Variants in C20orf203 observed in about 807,000 individuals in gnomAD.
C20orf203 encodes chromosome 20 open reading frame 203.
A neutral mutation model predicts 15.9 loss-of-function variants in C20orf203; 16 were observed. The observed-to-expected ratio is 1.01, with a 90% confidence interval of 0.68 to 1.53. C20orf203 has a LOEUF of 1.53. Ranked by LOEUF, C20orf203 falls within the 40% of genes most tolerant of loss-of-function variation. The pLI is 0.00. For synonymous variants in C20orf203, 98 were observed against 97.2 expected (o/e 1.01, Z -0.05); for missense variants, 263 against 247.5 (o/e 1.06, Z -0.42).
chr20:32,673,196 G>A (rs1015797218), intron 1 of C20orf203, among the ~76,000 whole-genome samples: 1 of 152,140 alleles, frequency 6.6e-6, no homozygotes. Flanking sequence ...CCCCAGGGCT[G>A]GTACAAACGG....
chr20:32,659,275 T>A (rs905546106), intron 1 of C20orf203, among the ~76,000 whole-genome samples: 1 of 152,182 alleles, frequency 6.6e-6, no homozygotes, highest in Admixed American at 6.5e-5. Context: ...CCTGGCTTGA[T>A]GAAGGTCACC....
chr20:32,642,616 G>A (rs184819844), intron 4 of C20orf203, among the ~76,000 whole-genome samples: 15 of 152,278 alleles, frequency 9.9e-5, no homozygotes, highest in Non-Finnish European at 2.1e-4. Context: ...GGGAAGGAGA[G>A]GCCAGGGAGA....
chr20:32,640,313 C>CA (rs1194351801), intron 5 of C20orf203, among the ~76,000 whole-genome samples: 1 of 152,088 alleles, frequency 6.6e-6, no homozygotes, highest in African/African-American at 2.4e-5. Flanking sequence ...ATTCACATCA[C>CA]ATACAATTCC....
chr20:32,639,627 TA>T (rs11353903), intron 5 of C20orf203, among the ~76,000 whole-genome samples: 64,511 of 129,156 alleles, frequency 0.5, 15,303 homozygotes, highest in East Asian at 0.6. Context: ...TTTTAAATAG[TA>T]AAAAAAAAAA....
At chr20:32,651,248 C>T (rs1842375177) in intron 2 of C20orf203, 82 bp from the exon 3 acceptor site, 1 of 445,138 alleles carries the variant, frequency 2.2e-6, no homozygotes, top group Non-Finnish European at 3.9e-6. Flanking sequence ...GGGGTAGCTA[C>T]TCAAGTGGGA....
chr20:32,637,844 C>T (rs1982177619), intron 5 of C20orf203, among the ~76,000 whole-genome samples: 1 of 152,128 alleles, frequency 6.6e-6, no homozygotes, highest in East Asian at 1.9e-4. Flanking sequence ...CATCAGTGCC[C>T]TCTGCGTCAC....
chr20:32,645,401 G>A (rs1162079715), intron 4 of C20orf203, among the ~76,000 whole-genome samples: 1 of 152,132 alleles, frequency 6.6e-6, no homozygotes, highest in Non-Finnish European at 1.5e-5. Context: ...TGGAGGGGAG[G>A]GGGGCCCATC....
chr20:32,672,508 G>C (rs1983197687), intron 1 of C20orf203, among the ~76,000 whole-genome samples: 1 of 151,860 alleles, frequency 6.6e-6, no homozygotes, highest in African/African-American at 2.4e-5. Context: ...AGAAGGTCAA[G>C]GTTACAATGA....
rs6057606 is a variant in C20orf203, at chr20:32,633,445, G to A, written c.*2125C>T. 0.9 allele frequency: 136,607 copies of A among 152,232 alleles called. 62,935 individuals are homozygous for A. Among genetic ancestry groups the A allele is most frequent in the East Asian group, 1 (5,175 of 5,180 alleles). 9.4% of individuals were successfully genotyped at this position (152,232 alleles called of 1,614,324 possible). On this transcript the variant is annotated 3_prime_UTR_variant, in exon 6 of 6. Transcript: ENST00000608990. The stretch of plus-strand genomic sequence containing the variant: ...CCCAGGAGGCAGACAACGAGGCACA[G>A]ATAGAACTTGTGACAGGCGAACTGG...
chr20:32,638,862 G>GCACTC (rs1982204687), intron 5 of C20orf203, among the ~76,000 whole-genome samples: 2 of 147,304 alleles, frequency 1.4e-5, no homozygotes, highest in South Asian at 2.3e-4. Flanking sequence ...CCCTCCTCCT[G>GCACTC]CGCTCCCGGC....
intron 1 of C20orf203, among the ~76,000 whole-genome samples, chr20:32,672,345 AT>A (rs1779499279): frequency 6.7e-6 from 1 of 150,198 alleles, no homozygotes; most frequent in African/African-American, 2.5e-5. Context: ...TCTCAAAAAA[AT>A]AAAATAAAAT....
rs558117063 is a variant in C20orf203 at position 32,662,225 on chromosome 20, G to T, written c.-263-10244C>A. On this transcript the variant is annotated intron_variant, in intron 1 of 5. Coordinates refer to ENST00000608990, the MANE Select transcript of C20orf203 (RefSeq NM_182584.4). Reference sequence around the variant, plus strand: ...GGTTTAGTCTTTGTTTTGGGGGCTTGTTCTAAATGCTAAACCTGGCTGACT... The same window carrying T: ...GGTTTAGTCTTTGTTTTGGGGGCTTTTTCTAAATGCTAAACCTGGCTGACT... Among the ~76,000 whole-genome samples, 6 of 152,324 alleles carry T rather than the reference G, an allele frequency of 3.9e-5. No homozygotes were observed. The South Asian group carries it at 1.2e-3, about 32-fold the overall frequency.
intron 1 of C20orf203, among the ~76,000 whole-genome samples, chr20:32,673,422 C>T (rs959699179): frequency 4.6e-5 from 7 of 152,166 alleles, no homozygotes; most frequent in South Asian, 2.1e-4. Flanking sequence ...AACGGCCACA[C>T]GGTCCCCACA....
chr20:32,641,986 A>T (rs1439180195), intron 4 of C20orf203, among the ~76,000 whole-genome samples: 1 of 152,030 alleles, frequency 6.6e-6, no homozygotes, highest in African/African-American at 2.4e-5. Flanking sequence ...TACAGGCACC[A>T]GGCACACACC....
intron 1 of C20orf203, among the ~76,000 whole-genome samples, chr20:32,669,535 C>T (rs1983113097): frequency 6.6e-6 from 1 of 152,164 alleles, no homozygotes; most frequent in Admixed American, 6.6e-5. Context: ...CTGCAAAGGA[C>T]TGAAAGTTGT....
chr20:32,642,585 A>T (rs1982315202), intron 4 of C20orf203, among the ~76,000 whole-genome samples: 1 of 152,120 alleles, frequency 6.6e-6, no homozygotes, highest in Non-Finnish European at 1.5e-5. Flanking sequence ...TACGTGACTG[A>T]CTATTGGCCT....
intron 1 of C20orf203, among the ~76,000 whole-genome samples, chr20:32,661,879 A>G (rs1380306463): frequency 2.0e-5 from 3 of 152,152 alleles, no homozygotes; most frequent in Non-Finnish European, 2.9e-5. Flanking sequence ...CACAGACAGA[A>G]GCATCAGCTC....
chr20:32,657,746 T>A (rs1982797414), intron 1 of C20orf203: 1 of 151,708 alleles, frequency 6.6e-6, no homozygotes, highest in Non-Finnish European at 1.5e-5. Context: ...GATCACTTGA[T>A]ATCAGAAGTT....
At chr20:32,669,943 T>C (rs988738852) in intron 1 of C20orf203, among the ~76,000 whole-genome samples, 3 of 152,244 alleles carry the variant, frequency 2.0e-5, no homozygotes, top group African/African-American at 7.2e-5. Flanking sequence ...TGCTTACGCC[T>C]GTAATCCCAG....
Sources: gnomAD v4.1 joint callset for allele counts (sites outside exome capture counted in the v4.1 genomes callset) on GRCh38, gnomAD v4.1.1 for gene constraint, MANE v1.5 for transcripts, NCBI Gene and HGNC (gene_info 2026-07-23, HGNC 2026-07-21) for gene names.